Variants in SLC9A1 observed in about 807,000 individuals in gnomAD.
The protein encoded by SLC9A1 is solute carrier family 9 member A1.
In SLC9A1, 22 loss-of-function variants were observed where a neutral mutation model predicts 67.9. That is an observed-to-expected ratio of 0.32 (90% CI 0.23 to 0.46). The LOEUF is 0.46. Ranked by LOEUF, SLC9A1 falls within the 20% of genes least tolerant of loss-of-function variation. The pLI is 1.00. For missense variants in SLC9A1, 686 were observed against 1,094.8 expected, an observed-to-expected ratio of 0.63 and a Z score of 5.27; for synonymous variants, 421 against 471.8, an observed-to-expected ratio of 0.89 and a Z score of 1.40.
chr1:27,107,177 CCTCACAGCCCCTCCACACACACACA>C (rs2083191972), intron 4 of SLC9A1, among the ~76,000 whole-genome samples: 1 of 838 alleles, frequency 1.2e-3, no homozygotes, highest in Admixed American at 0.011. Context: ...ACACCCACAC[CCTCACAGCCCCTCCACACACACACA>C]CACACACCCA....
chr1:27,107,664 G>A lies in SLC9A1; in HGVS notation c.1266C>T (p.Leu422=). 1 of 1,557,634 alleles carries A rather than the reference G, an allele frequency of 6.4e-7. No homozygotes were observed. The highest frequency in any genetic ancestry group is 8.7e-7 in the Non-Finnish European group (1 of 1,150,652). Residue 422 remains leucine (L), a synonymous_variant, in exon 4 of 12, where the codon CTC becomes CTT. Transcript: ENST00000263980. The part of the protein sequence containing the change: ...TFVISTLLFC[L]IARVLGVLGL... ...GGCCCTCACCCAGCACGCGGGCGAT[G>A]AGGCAGAAGAGCAGGGTGCTGATGA...
At position 27,106,762 on chromosome 1, in the gene SLC9A1, C is replaced by G. The variant is rs975171067; in HGVS notation, c.1283-675G>C. 2.0e-5 allele frequency among the ~76,000 whole-genome samples: 3 copies of G among 152,014 alleles called. No homozygotes were observed. The highest frequency in any genetic ancestry group is 4.4e-5 in the Non-Finnish European group (3 of 67,966). On this transcript the variant is annotated intron_variant, in intron 4 of 11. Transcript: ENST00000263980. The surrounding 1 kb of genome is among the most constrained non-coding windows in gnomAD (Gnocchi z 4.3). Reference sequence around the variant, plus strand: ...TGCTGCATAGGTTTGGAGGACTGCACGTGGCTCTGCATGCGATTCGGCACA... The same window carrying G: ...TGCTGCATAGGTTTGGAGGACTGCAGGTGGCTCTGCATGCGATTCGGCACA...
chr1:27,141,122 A>C (rs1245645244), intron 1 of SLC9A1, among the ~76,000 whole-genome samples: 1 of 152,188 alleles, frequency 6.6e-6, no homozygotes, highest in Non-Finnish European at 1.5e-5. Context: ...GAATCGCTTG[A>C]AGCAGGGAGG....
chr1:27,150,500 C>T (rs1438622854), intron 1 of SLC9A1, among the ~76,000 whole-genome samples: 1 of 152,158 alleles, frequency 6.6e-6, no homozygotes, highest in African/African-American at 2.4e-5. Context: ...GAACATGGAA[C>T]AAAGCAGAGT....
In SLC9A1 at chr1:27,155,106, G is replaced by T. The variant is rs1041327703; in HGVS notation, c.-772C>A. On this transcript the variant is annotated 5_prime_UTR_variant, in exon 1 of 12. Transcript: ENST00000263980. This position sits in a 1 kb window ranked among gnomAD's most constrained non-coding sequence, Gnocchi z 4.5. ...CAGCTCCAGAACTAACCCTAGCCCCGGCCCCGGCGGCAGCAGACTGAAGCC... is the reference window on the plus strand; with the variant it reads ...CAGCTCCAGAACTAACCCTAGCCCCTGCCCCGGCGGCAGCAGACTGAAGCC... Among the ~76,000 whole-genome samples the T allele has an allele frequency of 6.6e-6, 1 of 152,024 alleles. No individual in the cohort carries two copies. The highest frequency in any genetic ancestry group is 1.5e-5 in the Non-Finnish European group (1 of 67,972).
intron 1 of SLC9A1, among the ~76,000 whole-genome samples, chr1:27,146,113 A>C (rs2083483839): frequency 6.6e-6 from 1 of 152,088 alleles, no homozygotes; most frequent in African/African-American, 2.4e-5. Flanking sequence ...AGTGCTGCAA[A>C]ATGAGGCCCA....
Position 27,114,346 on chromosome 1 carries a change from G to A in SLC9A1, c.353-60C>T. On this transcript the variant is annotated intron_variant, in intron 1 of 11. Coordinates refer to ENST00000263980, the MANE Select transcript of SLC9A1 (RefSeq NM_003047.5). The surrounding 1 kb of genome is among the most constrained non-coding windows in gnomAD (Gnocchi z 5.4). Reference sequence around the variant, plus strand: ...TTCGGAGGAGCCAGGAGAATAGAAGGTTGGGGATGGGCCGGGGATGAGGAG... The same window carrying A: ...TTCGGAGGAGCCAGGAGAATAGAAGATTGGGGATGGGCCGGGGATGAGGAG... The A allele has an allele frequency of 7.0e-7, 1 of 1,422,336 alleles. No homozygotes were observed. Among genetic ancestry groups the A allele is most frequent in the Non-Finnish European group, 9.7e-7 (1 of 1,029,854 alleles). The allele number at this position is 1,422,336 out of a possible 1,614,324, so 88.1% of individuals were successfully genotyped here.
chr1:27,116,463 A>G (rs149536496), intron 1 of SLC9A1, among the ~76,000 whole-genome samples: 64 of 152,306 alleles, frequency 4.2e-4, no homozygotes, highest in African/African-American at 1.5e-3. Flanking sequence ...AAGACACTCA[A>G]AACACATTGG....
chr1:27,146,244 G>A (rs554225438), intron 1 of SLC9A1, among the ~76,000 whole-genome samples: 1 of 152,284 alleles, frequency 6.6e-6, no homozygotes, highest in East Asian at 1.9e-4. Flanking sequence ...AGGAGGCTGT[G>A]TATGGGCTGG....
At chr1:27,151,554 G>T (rs2083528448) in intron 1 of SLC9A1, among the ~76,000 whole-genome samples, 1 of 152,032 alleles carries the variant, frequency 6.6e-6, no homozygotes, top group Non-Finnish European at 1.5e-5. Flanking sequence ...TAGAGACGGG[G>T]TTTCACCATG....
chr1:27,113,225 G>A (rs975737368), intron 2 of SLC9A1, among the ~76,000 whole-genome samples: 10 of 152,154 alleles, frequency 6.6e-5, no homozygotes, highest in East Asian at 1.9e-4. Context: ...TTGGGAGGCC[G>A]AGGCAGGAGG....
intron 1 of SLC9A1, among the ~76,000 whole-genome samples, chr1:27,132,339 A>G (rs2083391723): frequency 6.6e-6 from 1 of 152,076 alleles, no homozygotes. Context: ...CAGTCCCCAT[A>G]CTACCCTCTT....
At chr1:27,122,464 G>T (rs982396272) in intron 1 of SLC9A1, among the ~76,000 whole-genome samples, 1 of 152,208 alleles carries the variant, frequency 6.6e-6, no homozygotes, top group African/African-American at 2.4e-5. Context: ...AGCCAGCCTG[G>T]AAATGAGAGT....
At chr1:27,151,607 C>A (rs983389275) in intron 1 of SLC9A1, among the ~76,000 whole-genome samples, 1 of 152,120 alleles carries the variant, frequency 6.6e-6, no homozygotes, top group Admixed American at 6.6e-5. Flanking sequence ...AGGCGATCCA[C>A]CCTGCCTCAG....
At chr1:27,138,210 A>G (rs562423398) in intron 1 of SLC9A1, among the ~76,000 whole-genome samples, 53 of 151,608 alleles carry the variant, frequency 3.5e-4, no homozygotes, top group Admixed American at 3.2e-3. Flanking sequence ...TTCTCACACC[A>G]TGCTTCCCCT....
At chr1:27,107,087 C>A (rs1278887291) in intron 4 of SLC9A1, among the ~76,000 whole-genome samples, 1 of 150,326 alleles carries the variant, frequency 6.7e-6, no homozygotes, top group Non-Finnish European at 1.5e-5. Context: ...CACACATATA[C>A]CCCCAGCCCC....
chr1:27,136,551 C>CT (rs2124195074), intron 1 of SLC9A1, among the ~76,000 whole-genome samples: 1 of 152,260 alleles, frequency 6.6e-6, no homozygotes, highest in African/African-American at 2.4e-5. Flanking sequence ...AGGGACTCAG[C>CT]TCCCCCAGAA....
chr1:27,122,848 TCA>T (rs2083313427), intron 1 of SLC9A1, among the ~76,000 whole-genome samples: 5 of 152,114 alleles, frequency 3.3e-5, no homozygotes. Flanking sequence ...AGAGGATGAC[TCA>T]CAGGGGAGAG....
At position 27,107,859 on chromosome 1, in the gene SLC9A1, T is replaced by G. The variant is rs768714044; in HGVS notation, c.1071A>C (p.Ile357=). 7.5e-6 allele frequency: 12 copies of G among 1,597,690 alleles called. 1 individual carries two copies. In the Middle Eastern group the frequency reaches 6.6e-4, roughly 88 times the overall value. Residue 357 remains isoleucine (I), a synonymous_variant, in exon 4 of 12, where the codon ATA becomes ATC. Coordinates refer to ENST00000263980, the MANE Select transcript of SLC9A1 (RefSeq NM_003047.5). ...AGGGGCGCATCACCACTCCTGAGGCTATGAGCCTGGAGCAGGAAAGAGCGG... is the reference window on the plus strand; with the variant it reads ...AGGGGCGCATCACCACTCCTGAGGCGATGAGCCTGGAGCAGGAAAGAGCGG... The part of the protein sequence containing the change: ...LFHLSGIMAL[I]ASGVVMRPYV...
Sources: gnomAD v4.1 joint callset for allele counts (sites outside exome capture counted in the v4.1 genomes callset) on GRCh38, gnomAD v4.1.1 for gene constraint, Gnocchi (gnomAD v3.1) non-coding constraint, MANE v1.5 for transcripts, NCBI Gene and HGNC (gene_info 2026-07-23, HGNC 2026-07-21) for gene names.